Variants in IGF1R observed in about 807,000 individuals in gnomAD.
IGF1R encodes insulin-like growth factor 1 receptor.
Under a neutral mutation model 144.6 loss-of-function variants are expected in IGF1R, and 44 were observed. The observed-to-expected ratio is 0.30, with a 90% CI of 0.24 to 0.39. The LOEUF is 0.39. IGF1R is among the 10% of genes least tolerant of loss of function. The pLI, the probability that IGF1R is intolerant of heterozygous loss-of-function variation, is 1.00. For missense variants in IGF1R, 1,355 were observed against 1,833.7 expected (o/e 0.74, Z 4.77); for synonymous variants, 795 against 722.8 (o/e 1.10, Z -1.60).
At chr15:98,955,345 C>G (rs955290575) in intron 20 of IGF1R, among the ~76,000 whole-genome samples, 10 of 152,344 alleles carry the variant, frequency 6.6e-5, no homozygotes, top group Admixed American at 4.6e-4. Flanking sequence ...ATTCTTTTCT[C>G]CCCAGAACAG....
At chr15:98,650,287 CT>C (rs2052324004) in intron 1 of IGF1R, among the ~76,000 whole-genome samples, 2 of 152,318 alleles carry the variant, frequency 1.3e-5, no homozygotes, top group South Asian at 4.1e-4. Flanking sequence ...GCTTTTGCCC[CT>C]CGGGCTCCTC....
intron 1 of IGF1R, among the ~76,000 whole-genome samples, chr15:98,659,762 AT>A (rs1281305798): frequency 6.6e-6 from 1 of 152,178 alleles, no homozygotes; most frequent in Non-Finnish European, 1.5e-5. Flanking sequence ...GAGATTAGAG[AT>A]TAAAAAAACA....
chr15:98,750,587 G>C (rs543581740), intron 2 of IGF1R, among the ~76,000 whole-genome samples: 242 of 152,254 alleles, frequency 1.6e-3, no homozygotes, highest in African/African-American at 5.5e-3. Flanking sequence ...TCCTCAGGAG[G>C]CTGTGGAGGG....
intron 1 of IGF1R, among the ~76,000 whole-genome samples, chr15:98,657,781 T>A (rs1221149311): frequency 6.6e-6 from 1 of 152,218 alleles, no homozygotes; most frequent in Non-Finnish European, 1.5e-5. Context: ...CAACAGAGAT[T>A]GGCTCAGGAT....
rs529019561 is a variant in IGF1R at position 98,960,912 on chromosome 15, C to T, written c.*3470C>T. The stretch of plus-strand genomic sequence containing the variant: ...CGAGGCTCGTGGCGTCACGCCCCCC[C>T]CGCCAGGGCTGTACCTCCGTCTCCC... On this transcript the variant is annotated 3_prime_UTR_variant, in exon 21 of 21. Transcript: ENST00000650285. 1.3e-3 allele frequency: 307 copies of T among 234,108 alleles called. No homozygotes were observed. Among genetic ancestry groups the T allele is most frequent in the African/African-American group, 6.5e-3 (294 of 45,484 alleles). The allele number at this position is 234,108 out of a possible 1,614,324, so 14.5% of individuals were successfully genotyped here. A position where few individuals can be genotyped will look rare whatever the true frequency, so the allele number is the denominator to read the frequency against.
chr15:98,904,850 C>A (rs1379170427), intron 5 of IGF1R, among the ~76,000 whole-genome samples: 1 of 152,238 alleles, frequency 6.6e-6, no homozygotes, highest in Non-Finnish European at 1.5e-5. Flanking sequence ...ACAGGACCTT[C>A]CTGTTCTGAG....
Position 98,805,413 on chromosome 15 carries a change from C to A in IGF1R, c.641-85912C>A, listed in dbSNP as rs1596318020. The stretch of plus-strand genomic sequence containing the variant: ...CTGAAGTGTGTACCCTGTGTTTGGG[C>A]AGAGCAGCAAGACCAGACTTCCAAA... On this transcript the variant is annotated intron_variant, in intron 2 of 20. Coordinates refer to ENST00000650285, the MANE Select transcript of IGF1R (RefSeq NM_000875.5). Among the ~76,000 whole-genome samples the A allele has an allele frequency of 4.6e-5, 7 of 152,198 alleles. No individual in the cohort carries two copies. The South Asian group carries it at 1.5e-3, about 32-fold the overall frequency.
chr15:98,849,256 A>G (rs961405875), intron 2 of IGF1R, among the ~76,000 whole-genome samples: 2 of 152,236 alleles, frequency 1.3e-5, no homozygotes, highest in African/African-American at 4.8e-5. Flanking sequence ...AAATTTAGTT[A>G]TTCGATAAAG....
At chr15:98,916,941 C>A in intron 10 of IGF1R, 65 bp downstream of exon 10, 1 of 1,386,914 alleles carries the variant, frequency 7.2e-7, no homozygotes, top group Non-Finnish European at 1.0e-6. Context: ...TGTTGCCTTT[C>A]TCCCCACCAG....
intron 1 of IGF1R, among the ~76,000 whole-genome samples, chr15:98,669,923 G>A (rs1176231346): frequency 6.6e-6 from 1 of 152,200 alleles, no homozygotes; most frequent in African/African-American, 2.4e-5. Flanking sequence ...TTCGGCTACA[G>A]TGGGCGGCAG....
At chr15:98,755,605 G>A (rs986120813) in intron 2 of IGF1R, among the ~76,000 whole-genome samples, 2 of 151,686 alleles carry the variant, frequency 1.3e-5, no homozygotes, top group Non-Finnish European at 2.9e-5. Flanking sequence ...GCTGGGCGTG[G>A]TGGCAGTGGA....
intron 2 of IGF1R, among the ~76,000 whole-genome samples, chr15:98,709,613 G>A (rs2053946163): frequency 6.6e-6 from 1 of 152,200 alleles, no homozygotes; most frequent in African/African-American, 2.4e-5. Flanking sequence ...TATCTGAAAA[G>A]TAAAAGGTGT....
intron 2 of IGF1R, among the ~76,000 whole-genome samples, chr15:98,785,442 T>G (rs545773001): frequency 2.2e-4 from 34 of 152,324 alleles, no homozygotes; most frequent in African/African-American, 8.2e-4. Flanking sequence ...TAGAAAACAT[T>G]CATGATTTCA....
intron 1 of IGF1R, among the ~76,000 whole-genome samples, chr15:98,696,683 G>A (rs1248728259): frequency 6.6e-6 from 1 of 152,202 alleles, no homozygotes; most frequent in South Asian, 2.1e-4. Flanking sequence ...TACTACCAGG[G>A]GGCTTGAGTG....
chr15:98,949,012 C>T (rs186062325), intron 20 of IGF1R, among the ~76,000 whole-genome samples: 5 of 152,216 alleles, frequency 3.3e-5, no homozygotes, highest in Non-Finnish European at 5.9e-5. Context: ...TCCATCCTTA[C>T]TCATCCTCTC....
intron 2 of IGF1R, among the ~76,000 whole-genome samples, chr15:98,709,028 C>T (rs1208339384): frequency 4.6e-5 from 7 of 152,182 alleles, no homozygotes; most frequent in Non-Finnish European, 1.0e-4. Flanking sequence ...TGAGCCTTCA[C>T]CTTATTGCAT....
intron 2 of IGF1R, among the ~76,000 whole-genome samples, chr15:98,855,298 C>T (rs1253268878): frequency 1.3e-5 from 2 of 152,210 alleles, no homozygotes; most frequent in Non-Finnish European, 2.9e-5. Flanking sequence ...AGCGTGGGCA[C>T]CTCGGACCCA....
In IGF1R at chr15:98,891,259, CCA is replaced by C; in HGVS notation, c.641-65_641-64del. The C allele has an allele frequency of 1.3e-6, 2 of 1,482,158 alleles. No individual in the cohort carries two copies. The highest frequency in any genetic ancestry group is 2.3e-5 in the South Asian group (2 of 85,774). 91.8% of individuals were successfully genotyped at this position (1,482,158 alleles called of 1,614,324 possible). On this transcript the variant is annotated intron_variant, in intron 2 of 20. Transcript: ENST00000650285. The surrounding 1 kb of genome is among the most constrained non-coding windows in gnomAD (Gnocchi z 4.7). ...AGTGAATGACCCAGAAGGATGCTGG[CCA>C]GGCCCAGAGAAGGCGGTGCCTCCCC...
chr15:98,922,909 G>A (rs937126411), intron 11 of IGF1R, among the ~76,000 whole-genome samples: 2 of 152,180 alleles, frequency 1.3e-5, no homozygotes, highest in African/African-American at 4.8e-5. Flanking sequence ...GTTAGACACT[G>A]CCTGTCACTC....
Sources: allele counts gnomAD v4.1 joint callset (sites outside exome capture counted in the v4.1 genomes callset), GRCh38; gene constraint gnomAD v4.1.1; non-coding constraint Gnocchi (gnomAD v3.1); transcripts MANE v1.5; gene names NCBI Gene and HGNC (gene_info 2026-07-23, HGNC 2026-07-21).